The following HCN1 variants were observed in gnomAD, a reference collection of about 807,000 sequenced individuals.
HCN1 encodes hyperpolarization activated cyclic nucleotide gated potassium channel 1, also known as potassium/sodium hyperpolarization-activated cyclic nucleotide-gated channel 1.
HCN1 carries 13 observed loss-of-function variants against 78.9 expected under a neutral mutation model. That is an observed-to-expected ratio of 0.16 (90% CI 0.11 to 0.26). The LOEUF (loss-of-function observed/expected upper bound fraction) is 0.26, where lower values mean the gene tolerates loss of function less well. HCN1 is among the 10% of genes least tolerant of loss of function. HCN1 has a pLI of 1.00. For synonymous variants in HCN1, 552 were observed against 455.5 expected (o/e 1.21, Z -2.70); for missense variants, 810 against 1,154.3 (o/e 0.70, Z 4.32).
Position 45,494,543 on chromosome 5 carries a change from T to A in HCN1, c.850-32536A>T, listed in dbSNP as rs865821641. ...AGGTTGCGAAAATTTTCTCCCATTTTGTGGGTTGCCTGTTCACTCTGATGG... is the reference window on the plus strand; with the variant it reads ...AGGTTGCGAAAATTTTCTCCCATTTAGTGGGTTGCCTGTTCACTCTGATGG... On this transcript the variant is annotated intron_variant, in intron 2 of 7. Transcript: ENST00000303230. 7.4e-3 allele frequency among the ~76,000 whole-genome samples: 1,123 copies of A among 152,124 alleles called. 13 individuals are homozygous for A. Among genetic ancestry groups the A allele is most frequent in the African/African-American group, 0.026 (1,076 of 41,492 alleles).
intron 2 of HCN1, among the ~76,000 whole-genome samples, chr5:45,571,169 T>C (rs986376838): frequency 3.9e-5 from 6 of 152,150 alleles, no homozygotes; most frequent in African/African-American, 1.2e-4. Flanking sequence ...CCCTTCCTCT[T>C]TCCTTCCTAA....
At chr5:45,540,482 C>A (rs896106252) in intron 2 of HCN1, among the ~76,000 whole-genome samples, 5 of 151,960 alleles carry the variant, frequency 3.3e-5, no homozygotes, top group Admixed American at 2.6e-4. Context: ...GCACACAACA[C>A]CATGCCTGGC....
chr5:45,410,463 T>C (rs1740002194), intron 3 of HCN1, among the ~76,000 whole-genome samples: 2 of 152,090 alleles, frequency 1.3e-5, no homozygotes, highest in Admixed American at 1.3e-4. Flanking sequence ...ACCATTCTCC[T>C]ATGCTAAAGT....
intron 4 of HCN1, among the ~76,000 whole-genome samples, chr5:45,372,132 A>G (rs1353790569): frequency 1.9e-5 from 1 of 52,866 alleles, no homozygotes; most frequent in Non-Finnish European, 2.8e-5. Context: ...TTATATATAT[A>G]ATATAATAAT....
intron 2 of HCN1, among the ~76,000 whole-genome samples, chr5:45,478,310 C>A (rs1205715079): frequency 5.9e-5 from 9 of 152,046 alleles, no homozygotes. Context: ...AAGAAGTTTA[C>A]ATTCTATTGG....
intron 2 of HCN1, among the ~76,000 whole-genome samples, chr5:45,562,362 C>A (rs1200898789): frequency 6.6e-6 from 1 of 152,034 alleles, no homozygotes; most frequent in East Asian, 1.9e-4. Context: ...CTAGAAAAAT[C>A]TCTTGATTTA....
At chr5:45,648,561 A>G (rs1298073743) in intron 1 of HCN1, among the ~76,000 whole-genome samples, 1 of 152,128 alleles carries the variant, frequency 6.6e-6, no homozygotes, top group Non-Finnish European at 1.5e-5. Flanking sequence ...AAATACAATC[A>G]TCACCTGTTC....
At chr5:45,315,718 A>G (rs2111925641) in intron 5 of HCN1, among the ~76,000 whole-genome samples, 1 of 152,304 alleles carries the variant, frequency 6.6e-6, no homozygotes, top group South Asian at 2.1e-4. Context: ...ACAATAAAAA[A>G]TGGTAAAGGG....
intron 4 of HCN1, among the ~76,000 whole-genome samples, chr5:45,366,419 G>T (rs558051240): frequency 1.3e-5 from 2 of 151,514 alleles, no homozygotes; most frequent in East Asian, 3.9e-4. Flanking sequence ...TATTATGTAA[G>T]CCCTGTATAT....
chr5:45,303,200 A>T (rs1175281370), intron 6 of HCN1, among the ~76,000 whole-genome samples: 3 of 152,054 alleles, frequency 2.0e-5, no homozygotes, highest in Non-Finnish European at 4.4e-5. Context: ...TTAGTTTTTC[A>T]TTTCTTCTAT....
intron 2 of HCN1, among the ~76,000 whole-genome samples, chr5:45,562,928 A>T (rs573912182): frequency 6.6e-6 from 1 of 152,218 alleles, no homozygotes; most frequent in Non-Finnish European, 1.5e-5. Context: ...GTGATGGACC[A>T]TTTAAAACTA....
chr5:45,455,760 CAA>C lies in HCN1; in HGVS notation c.1011+6084_1011+6085del, dbSNP rs571706502. ...CAAATTAAGACATGCTTCTGGAACT[CAA>C]AAAAAAAAAAAAAAAAAAAAGGGTT... On this transcript the variant is annotated intron_variant, in intron 3 of 7. Transcript: ENST00000303230. 6.6e-3 allele frequency among the ~76,000 whole-genome samples: 392 copies of C among 59,822 alleles called. 2 individuals are homozygous for C. Among genetic ancestry groups the C allele is most frequent in the African/African-American group, 0.015 (318 of 21,894 alleles). The allele number at this position is 59,822 out of a possible 152,430, so 39.2% of individuals were successfully genotyped here. A position where few individuals can be genotyped will look rare whatever the true frequency, so the allele number is the denominator to read the frequency against.
At chr5:45,333,568 T>C (rs570269613) in intron 5 of HCN1, among the ~76,000 whole-genome samples, 3 of 151,930 alleles carry the variant, frequency 2.0e-5, no homozygotes, top group East Asian at 1.9e-4. Flanking sequence ...CTCAGACCAA[T>C]GTCTGAGAGA....
chr5:45,524,459 C>A (rs556531720), intron 2 of HCN1, among the ~76,000 whole-genome samples: 1 of 152,200 alleles, frequency 6.6e-6, no homozygotes, highest in South Asian at 2.1e-4. Context: ...GGCAGTATGG[C>A]CATTTTCATG....
chr5:45,344,698 A>G lies in HCN1; in HGVS notation c.1377+8402T>C, dbSNP rs576710727. 1.5e-4 allele frequency among the ~76,000 whole-genome samples: 23 copies of G among 152,334 alleles called. No homozygotes were observed. The East Asian group carries it at 2.5e-3, about 17-fold the overall frequency. On this transcript the variant is annotated intron_variant, in intron 5 of 7. Transcript: ENST00000303230. ...TGACTCCATGTCTCACATCCAGGGC[A>G]TGCTGATGCAAGAGGTGGGCTCGCA... is the stretch of plus-strand genomic sequence containing the variant.
chr5:45,515,289 TA>T (rs1224818056), intron 2 of HCN1, among the ~76,000 whole-genome samples: 1 of 151,990 alleles, frequency 6.6e-6, no homozygotes, highest in Non-Finnish European at 1.5e-5. Flanking sequence ...TCAGAAGGTA[TA>T]CTATAATACT....
At position 45,593,315 on chromosome 5, in the gene HCN1, CT is replaced by C. The variant is rs1561213321; in HGVS notation, c.849+51869del. 5.0e-3 allele frequency among the ~76,000 whole-genome samples: 583 copies of C among 117,248 alleles called. 1 individual carries two copies. The highest frequency in any genetic ancestry group is 8.8e-3 in the Middle Eastern group (2 of 228). The allele number at this position is 117,248 out of a possible 152,430, so 76.9% of individuals were successfully genotyped here. The stretch of plus-strand genomic sequence containing the variant: ...ATTCTCTCTCTCTCTCTCTCTCTCT[CT>C]CTCTCCCTCTCTCTCTCTCTCTCTC... On this transcript the variant is annotated intron_variant, in intron 2 of 7. Transcript: ENST00000303230.
chr5:45,562,805 A>T (rs1239580771), intron 2 of HCN1, among the ~76,000 whole-genome samples: 1 of 152,226 alleles, frequency 6.6e-6, no homozygotes, highest in East Asian at 1.9e-4. Flanking sequence ...TGAATAGATG[A>T]TACTTCATGT....
intron 1 of HCN1, among the ~76,000 whole-genome samples, chr5:45,647,613 T>C (rs774788918): frequency 2.2e-4 from 34 of 152,180 alleles, no homozygotes; most frequent in Non-Finnish European, 8.8e-5. Flanking sequence ...AGTCCATTCC[T>C]ATCTTCTAAG....
Sources: gnomAD v4.1 joint callset for allele counts (sites outside exome capture counted in the v4.1 genomes callset) on GRCh38, gnomAD v4.1.1 for gene constraint, MANE v1.5 for transcripts, NCBI Gene and HGNC (gene_info 2026-07-23, HGNC 2026-07-21) for gene names.